PARP11: variants seen among roughly 807,000 people sequenced by gnomAD.
PARP11 encodes the protein poly(ADP-ribose) polymerase family member 11.
Under a neutral mutation model 42.9 loss-of-function variants are expected in PARP11, and 31 were observed. The ratio of observed to expected loss-of-function variants is 0.72; its 90% CI spans 0.54 to 0.98. The LOEUF (loss-of-function observed/expected upper bound fraction) is 0.98. Among genes scored for constraint, PARP11 ranks in the 50% least tolerant of loss-of-function variants. The pLI is 0.00. For missense variants in PARP11, 365 were observed against 413.1 expected, an observed-to-expected ratio of 0.88 and a Z score of 1.01; for synonymous variants, 137 against 127.3, an observed-to-expected ratio of 1.08 and a Z score of -0.51.
chr12:3,840,434 C>T lies in PARP11; in HGVS notation c.19-10416G>A. 6.2e-7 allele frequency: 1 copy of T among 1,613,352 alleles called. No individual in the cohort carries two copies. Among genetic ancestry groups the T allele is most frequent in the Non-Finnish European group, 8.5e-7 (1 of 1,179,256 alleles). On this transcript the variant is annotated intron_variant, in intron 1 of 7. Transcript: ENST00000228820. This position sits in a 1 kb window ranked among gnomAD's most constrained non-coding sequence, Gnocchi z 4.4. ...ATAAAAGCCCCATTAGCACTACCTC[C>T]TCGACTGCAGCATCCTTCAGGAGTA...
chr12:3,852,936 C>T (rs531959917), intron 1 of PARP11, among the ~76,000 whole-genome samples: 4 of 152,252 alleles, frequency 2.6e-5, no homozygotes, highest in African/African-American at 4.8e-5. Flanking sequence ...GTGGATCTCT[C>T]GGCAGAAACT....
chr12:3,829,888 A>G lies in PARP11; in HGVS notation c.147+2T>C, dbSNP rs1418647447. On this transcript the variant is annotated splice_donor_variant, in intron 2 of 7. Transcript: ENST00000228820. LOFTEE classifies it high-confidence loss of function. ...TCTGCTAAATTAAAGGAAAGGAGGT[A>G]CCTGAAACATGTGCCACTTCCCACA... 3 of 1,613,918 alleles carry G rather than the reference A, an allele frequency of 1.9e-6. No homozygotes were observed. The highest frequency in any genetic ancestry group is 1.7e-6 in the Non-Finnish European group (2 of 1,179,842).
chr12:3,870,066 TATTA>T (rs1381338047), intron 1 of PARP11, among the ~76,000 whole-genome samples: 1 of 152,250 alleles, frequency 6.6e-6, no homozygotes, highest in African/African-American at 2.4e-5. Context: ...ACTTAAAAGT[TATTA>T]ATTGTTCATT....
chr12:3,835,389 C>T (rs762058928), intron 1 of PARP11, among the ~76,000 whole-genome samples: 15 of 152,186 alleles, frequency 9.9e-5, no homozygotes, highest in Non-Finnish European at 2.1e-4. Context: ...TACACATAAA[C>T]CAATAACCAA....
intron 1 of PARP11, among the ~76,000 whole-genome samples, chr12:3,860,025 G>A (rs1948268816): frequency 6.6e-6 from 1 of 152,182 alleles, no homozygotes; most frequent in Admixed American, 6.5e-5. Context: ...AACGCAAGAA[G>A]AGAGAATGAC....
At chr12:3,866,759 T>C (rs1008145612) in intron 1 of PARP11, among the ~76,000 whole-genome samples, 1 of 152,226 alleles carries the variant, frequency 6.6e-6, no homozygotes, top group Admixed American at 6.5e-5. Flanking sequence ...GTAAAAATTC[T>C]TGATACTGCT....
At chr12:3,841,813 G>A (rs1662094756) in intron 1 of PARP11, 1 of 1,606,590 alleles carries the variant, frequency 6.2e-7, no homozygotes, top group Admixed American at 1.7e-5. Flanking sequence ...GCAGAATATT[G>A]TCCTGCCCTC....
intron 1 of PARP11, among the ~76,000 whole-genome samples, chr12:3,844,325 A>G (rs190252961): frequency 2.0e-5 from 3 of 152,326 alleles, no homozygotes; most frequent in African/African-American, 7.2e-5. Context: ...CACCTTCTAA[A>G]CTAGAATAGT....
chr12:3,840,063 A>G lies in PARP11; in HGVS notation c.19-10045T>C, dbSNP rs1383454985. The stretch of plus-strand genomic sequence containing the variant: ...AGGTTCTTAAGTCACTCAATCCTGC[A>G]GTCTATAGAAATGTGGAATATGAAA... On this transcript the variant is annotated intron_variant, in intron 1 of 7. Transcript: ENST00000228820. The surrounding 1 kb of genome is among the most constrained non-coding windows in gnomAD (Gnocchi z 4.4). 1.9e-6 allele frequency: 3 copies of G among 1,609,266 alleles called. No homozygotes were observed. Among genetic ancestry groups the G allele is most frequent in the Non-Finnish European group, 2.6e-6 (3 of 1,175,592 alleles).
chr12:3,858,636 T>A (rs1490856705), intron 1 of PARP11, among the ~76,000 whole-genome samples: 1 of 152,232 alleles, frequency 6.6e-6, no homozygotes, highest in African/African-American at 2.4e-5. Flanking sequence ...AAACACAGCA[T>A]CATAGGTGGA....
chr12:3,817,109 T>A (rs1411367651), intron 6 of PARP11, among the ~76,000 whole-genome samples: 1 of 151,920 alleles, frequency 6.6e-6, no homozygotes, highest in Admixed American at 6.6e-5. Context: ...GAGAATGGCA[T>A]GAACCCCGGA....
chr12:3,827,859 T>C (rs948919997), intron 3 of PARP11, among the ~76,000 whole-genome samples: 4 of 152,090 alleles, frequency 2.6e-5, no homozygotes, highest in African/African-American at 9.7e-5. Flanking sequence ...CTCACAGGAA[T>C]TGAGAAAGAA....
chr12:3,839,773 A>G (rs1425348264), intron 1 of PARP11: 2 of 1,136,914 alleles, frequency 1.8e-6, no homozygotes, highest in Non-Finnish European at 2.7e-6. Flanking sequence ...CGTAAAGTAT[A>G]AAGAAAGCTC....
chr12:3,839,601 G>A, intron 1 of PARP11: 1 of 1,194,382 alleles, frequency 8.4e-7, no homozygotes, highest in Non-Finnish European at 1.3e-6. Context: ...CACAGGAATG[G>A]GTAGGACAAA....
At chr12:3,869,849 A>G (rs907622509) in intron 1 of PARP11, among the ~76,000 whole-genome samples, 23 of 152,214 alleles carry the variant, frequency 1.5e-4, no homozygotes, top group African/African-American at 5.1e-4. Flanking sequence ...TGTTCTGTTC[A>G]CCACTGTAAA....
intron 1 of PARP11, among the ~76,000 whole-genome samples, chr12:3,851,082 T>G (rs1206693584): frequency 2.0e-5 from 3 of 152,206 alleles, no homozygotes; most frequent in Non-Finnish European, 2.9e-5. Flanking sequence ...AAAAGAATAC[T>G]GAATACTCAA....
In PARP11 at chr12:3,808,941, TCATCAC is replaced by T. The variant is rs1195657714; in HGVS notation, c.*3176_*3181del. On this transcript the variant is annotated 3_prime_UTR_variant, in exon 8 of 8. Transcript: ENST00000228820. ...AAAATTGGCTCCAAATTCTTTATCATCATCACCATCAACAGTCTAGAAATGAAATGA... is the reference window on the plus strand; with the variant it reads ...AAAATTGGCTCCAAATTCTTTATCATCATCAACAGTCTAGAAATGAAATGA... The T allele has an allele frequency of 5.3e-5, 8 of 152,086 alleles. No individual in the cohort carries two copies. The highest frequency in any genetic ancestry group is 6.8e-3 in the Middle Eastern group (2 of 294). 9.4% of individuals were successfully genotyped at this position (152,086 alleles called of 1,614,324 possible). A position where few individuals can be genotyped will look rare whatever the true frequency, so the allele number is the denominator to read the frequency against.
intron 1 of PARP11, among the ~76,000 whole-genome samples, chr12:3,860,533 A>G (rs1268523821): frequency 6.6e-6 from 1 of 152,216 alleles, no homozygotes; most frequent in Non-Finnish European, 1.5e-5. Flanking sequence ...CATCAAGCCA[A>G]TCATTCATTT....
chr12:3,848,793 T>C (rs1440728950), intron 1 of PARP11, among the ~76,000 whole-genome samples: 1 of 151,794 alleles, frequency 6.6e-6, no homozygotes, highest in African/African-American at 2.4e-5. Flanking sequence ...AAAGCAAAAA[T>C]GGATCACTGG....
Sources: allele counts gnomAD v4.1 joint callset (sites outside exome capture counted in the v4.1 genomes callset), GRCh38; gene constraint gnomAD v4.1.1; non-coding constraint Gnocchi (gnomAD v3.1); transcripts MANE v1.5; gene names NCBI Gene and HGNC (gene_info 2026-07-23, HGNC 2026-07-21).